The following CAV1 variants were observed in gnomAD, a reference collection of about 807,000 sequenced individuals.
CAV1 encodes the protein caveolin 1, also known as caveolin-1.
CAV1 carries 10 observed loss-of-function variants against 16.5 expected under a neutral mutation model. The observed-to-expected ratio is 0.61, with a 90% CI of 0.37 to 1.03. CAV1 has a LOEUF of 1.03. Ranked by LOEUF, CAV1 falls within the 50% of genes least tolerant of loss-of-function variation. CAV1 has a pLI of 0.01. For missense variants in CAV1, 212 were observed against 232.8 expected, an observed-to-expected ratio of 0.91 and a Z score of 0.58; for synonymous variants, 76 against 85.1, an observed-to-expected ratio of 0.89 and a Z score of 0.59.
intron 1 of CAV1, chr7:116,525,340 G>T (rs1793534733): frequency 6.5e-7 from 1 of 1,546,232 alleles, no homozygotes; most frequent in African/African-American, 1.4e-5. Flanking sequence ...ACGGAAAAGG[G>T]GATTGGGGTC....
intron 2 of CAV1, 25 bp from the exon 3 acceptor site, chr7:116,558,921 A>G (rs554480579): frequency 6.5e-7 from 1 of 1,540,450 alleles, no homozygotes; most frequent in Admixed American, 1.7e-5. Context: ...TTCTGTGCTC[A>G]TGTTGTGTCA....
At chr7:116,538,029 G>A (rs1295073859) in intron 2 of CAV1, among the ~76,000 whole-genome samples, 1 of 152,224 alleles carries the variant, frequency 6.6e-6, no homozygotes, top group African/African-American at 2.4e-5. Flanking sequence ...GGGTGGGGCT[G>A]ATTCTGTCTG....
At chr7:116,526,454 T>C in intron 1 of CAV1, 71 bp from the exon 2 acceptor site, 2 of 1,608,196 alleles carry the variant, frequency 1.2e-6, no homozygotes, top group East Asian at 2.2e-5. Flanking sequence ...CTTGTTTTTC[T>C]TTTTGCATTT....
chr7:116,559,259 T>C lies in CAV1; in HGVS notation c.509T>C (p.Val170Ala). ...FEAVGKIFSN[V>A]RINLQKEI ...GCTGTTGGGAAAATATTCAGCAATG[T>C]CCGCATCAACTTGCAGAAAGAAATA... Residue 170 changes from valine (V) to alanine (A), a missense_variant, in exon 3 of 3, where the codon GTC becomes GCC. Coordinates refer to ENST00000341049, the MANE Select transcript of CAV1 (RefSeq NM_001753.5). 6.2e-7 allele frequency: 1 copy of C among 1,613,432 alleles called. No individual in the cohort carries two copies. Among genetic ancestry groups the C allele is most frequent in the South Asian group, 1.1e-5 (1 of 91,070 alleles).
Position 116,559,235 on chromosome 7 carries a change from C to T in CAV1, c.485C>T (p.Ala162Val). The change falls in exon 3 of 3, where the codon GCT (alanine) becomes GTT (valine). Residue 162 changes from alanine (A) to valine (V), a missense_variant. Ala to Val is a moderately conservative substitution (Grantham distance 64). Transcript: ENST00000341049. ...VHTVCDPLFE[A>V]VGKIFSNVRI... ...ACCGTCTGTGACCCACTCTTTGAAG[C>T]TGTTGGGAAAATATTCAGCAATGTC... 2 of 1,613,940 alleles carry T rather than the reference C, an allele frequency of 1.2e-6. No homozygotes were observed. Among genetic ancestry groups the T allele is most frequent in the African/African-American group, 1.3e-5 (1 of 75,016 alleles).
At chr7:116,529,287 A>G (rs1161307285) in intron 2 of CAV1, among the ~76,000 whole-genome samples, 2 of 152,240 alleles carry the variant, frequency 1.3e-5, no homozygotes, top group East Asian at 3.8e-4. Flanking sequence ...CCAATCAAGT[A>G]AGGAAAAGTT....
intron 2 of CAV1, among the ~76,000 whole-genome samples, chr7:116,532,219 C>T (rs553351976): frequency 9.8e-5 from 15 of 152,298 alleles, no homozygotes; most frequent in African/African-American, 3.6e-4. Context: ...AAAGTAGGAA[C>T]AGCTGCAATA....
At chr7:116,529,012 T>A (rs896292587) in intron 2 of CAV1, among the ~76,000 whole-genome samples, 1 of 152,048 alleles carries the variant, frequency 6.6e-6, no homozygotes, top group African/African-American at 2.4e-5. Flanking sequence ...GTATTTTTAG[T>A]GGAGACGGGG....
At position 116,560,942 on chromosome 7, in the gene CAV1, A is replaced by G. The variant is rs1285540883; in HGVS notation, c.*1655A>G. 1 of 152,622 alleles carries G rather than the reference A, an allele frequency of 6.6e-6. No homozygotes were observed. The highest frequency in any genetic ancestry group is 1.5e-5 in the Non-Finnish European group (1 of 68,042). The allele number at this position is 152,622 out of a possible 1,614,324, so 9.5% of individuals were successfully genotyped here. ...TACTGCATACTTTTTAAATGTAAAG[A>G]TATTTTTATCTTTATATGAAGAAAA... On this transcript the variant is annotated 3_prime_UTR_variant, in exon 3 of 3. Coordinates refer to ENST00000341049, the MANE Select transcript of CAV1 (RefSeq NM_001753.5).
Position 116,555,518 on chromosome 7 carries a change from A to AAGAG in CAV1, c.196-3404_196-3401dup, listed in dbSNP as rs1187575266. ...AAAGAAAGAAAGAAAGAAAGAAAGAAAGAGAGAGAGAGAGAGAGAGAGAGA... is the reference window on the plus strand; with the variant it reads ...AAAGAAAGAAAGAAAGAAAGAAAGAAAGAGAGAGAGAGAGAGAGAGAGAGAGAGA... On this transcript the variant is annotated intron_variant, in intron 2 of 2. Coordinates refer to ENST00000341049, the MANE Select transcript of CAV1 (RefSeq NM_001753.5). Among the ~76,000 whole-genome samples, 33 of 14,050 alleles carry AAGAG rather than the reference A, an allele frequency of 2.3e-3. 6 individuals are homozygous for AAGAG. The highest frequency in any genetic ancestry group is 2.9e-3 in the African/African-American group (12 of 4,176). 9.2% of individuals were successfully genotyped at this position (14,050 alleles called of 152,430 possible). A position where few individuals can be genotyped will look rare whatever the true frequency, so the allele number is the denominator to read the frequency against.
At chr7:116,557,418 C>T (rs368999082) in intron 2 of CAV1, among the ~76,000 whole-genome samples, 2 of 152,294 alleles carry the variant, frequency 1.3e-5, no homozygotes, top group African/African-American at 4.8e-5. Context: ...CAGTCATCCA[C>T]TTGTTGGGAT....
At chr7:116,547,893 G>A (rs1025603179) in intron 2 of CAV1, among the ~76,000 whole-genome samples, 2 of 152,196 alleles carry the variant, frequency 1.3e-5, no homozygotes, top group Non-Finnish European at 2.9e-5. Context: ...TAGGCACAAA[G>A]AGGTTTAGTA....
In CAV1 at chr7:116,558,798, A is replaced by C. The variant is rs1794342547; in HGVS notation, c.196-148A>C. The C allele has an allele frequency of 1.6e-5, 11 of 667,256 alleles. No homozygotes were observed. In the South Asian group the frequency reaches 1.8e-4, roughly 11 times the overall value. The allele number at this position is 667,256 out of a possible 1,614,324, so 41.3% of individuals were successfully genotyped here. A position where few individuals can be genotyped will look rare whatever the true frequency, so the allele number is the denominator to read the frequency against. On this transcript the variant is annotated intron_variant, in intron 2 of 2. Transcript: ENST00000341049. Reference sequence around the variant, plus strand: ...AATCTGTGTTCCCAAGTTCCAAGTGATGCTGATGCTGCTGGTTGCCTTTAA... The same window carrying C: ...AATCTGTGTTCCCAAGTTCCAAGTGCTGCTGATGCTGCTGGTTGCCTTTAA...
intron 2 of CAV1, among the ~76,000 whole-genome samples, chr7:116,540,304 G>A (rs746423995): frequency 6.6e-5 from 10 of 152,174 alleles, no homozygotes; most frequent in Non-Finnish European, 1.3e-4. Context: ...CATTATTGGT[G>A]TCTGTGCCAA....
chr7:116,556,454 T>C (rs541089949), intron 2 of CAV1, among the ~76,000 whole-genome samples: 2 of 151,868 alleles, frequency 1.3e-5, no homozygotes, highest in South Asian at 4.2e-4. Flanking sequence ...TTGAAGAAAG[T>C]TGATAACTTT....
rs1447020962 is a variant in CAV1 at position 116,544,805 on chromosome 7, A to G, written c.196-14141A>G. 4.6e-5 allele frequency among the ~76,000 whole-genome samples: 7 copies of G among 152,294 alleles called. 1 individual carries two copies. The highest frequency in any genetic ancestry group is 1.7e-4 in the African/African-American group (7 of 41,548). On this transcript the variant is annotated intron_variant, in intron 2 of 2. Transcript: ENST00000341049. Reference sequence around the variant, plus strand: ...CCTCTCTTACCTTAAAAGTAAGTGCACCATAGAAGGAAATCACCCTTCCTT... The same window carrying G: ...CCTCTCTTACCTTAAAAGTAAGTGCGCCATAGAAGGAAATCACCCTTCCTT...
At chr7:116,555,604 GAGAAAGAAAGAAA>G in intron 2 of CAV1, among the ~76,000 whole-genome samples, 1 of 73,464 alleles carries the variant, frequency 1.4e-5, no homozygotes, top group Non-Finnish European at 2.6e-5. Context: ...AAGAAAGAAA[GAGAAAGAAAGAAA>G]GAAGGGAGGG....
intron 2 of CAV1, among the ~76,000 whole-genome samples, chr7:116,530,860 G>A (rs1793674347): frequency 6.6e-6 from 1 of 152,156 alleles, no homozygotes; most frequent in South Asian, 2.1e-4. Context: ...GCATCGGTGT[G>A]GTATAATGAA....
chr7:116,534,374 TATATA>T lies in CAV1; in HGVS notation c.195+7686_195+7690del, dbSNP rs1793752242. 1.3e-4 allele frequency among the ~76,000 whole-genome samples: 2 copies of T among 14,894 alleles called. 1 individual carries two copies. The highest frequency in any genetic ancestry group is 3.2e-4 in the Non-Finnish European group (2 of 6,260). The allele number at this position is 14,894 out of a possible 152,430, so 9.8% of individuals were successfully genotyped here. ...TGGGCCCACCTCAGATATATATATA[TATATA>T]TATATATATATATATATTTTTTTTT... On this transcript the variant is annotated intron_variant, in intron 2 of 2. Coordinates refer to ENST00000341049, the MANE Select transcript of CAV1 (RefSeq NM_001753.5).
Sources: allele counts gnomAD v4.1 joint callset (sites outside exome capture counted in the v4.1 genomes callset), GRCh38; gene constraint gnomAD v4.1.1; transcripts MANE v1.5; gene names NCBI Gene and HGNC (gene_info 2026-07-23, HGNC 2026-07-21).